The following SREBF2 variants were observed in gnomAD, a reference collection of about 807,000 sequenced individuals.
The protein encoded by SREBF2 is sterol regulatory element binding transcription factor 2.
A neutral mutation model predicts 113.1 loss-of-function variants in SREBF2; 55 were observed. The ratio of observed to expected loss-of-function variants is 0.49; its 90% CI spans 0.39 to 0.61. The LOEUF (loss-of-function observed/expected upper bound fraction) is 0.61. Among genes scored for constraint, SREBF2 ranks in the 20% least tolerant of loss-of-function variants. The probability of loss-of-function intolerance (pLI) is 0.00; values close to 1 mark genes in which losing one functional copy is unlikely to be tolerated. For missense variants in SREBF2, 1,349 were observed against 1,487.4 expected, an observed-to-expected ratio of 0.91 and a Z score of 1.53; for synonymous variants, 593 against 605.7, an observed-to-expected ratio of 0.98 and a Z score of 0.31.
intron 16 of SREBF2, among the ~76,000 whole-genome samples, chr22:41,901,953 A>G (rs1272044107): frequency 3.9e-5 from 6 of 152,240 alleles, no homozygotes; most frequent in Admixed American, 1.3e-4. Flanking sequence ...TGCTGCCTCC[A>G]TGCCCACAGG....
At chr22:41,880,305 A>G (rs1339631071) in intron 9 of SREBF2, among the ~76,000 whole-genome samples, 1 of 150,416 alleles carries the variant, frequency 6.6e-6, no homozygotes, top group Non-Finnish European at 1.5e-5. Context: ...TAATCCCAAC[A>G]CTTTGGAAGG....
At chr22:41,877,572 A>G (rs1051753672) in intron 8 of SREBF2, 151 bp downstream of exon 8, 2 of 958,292 alleles carry the variant, frequency 2.1e-6, no homozygotes, top group Non-Finnish European at 1.6e-6. Flanking sequence ...GGACTGGCAT[A>G]AGTTCCATTT....
intron 5 of SREBF2, 51 bp downstream of exon 5, chr22:41,874,070 TG>T: frequency 6.2e-7 from 1 of 1,600,136 alleles, no homozygotes; most frequent in African/African-American, 1.3e-5. Context: ...CCCCTCTACC[TG>T]TTTTTGCCTC....
chr22:41,846,061 G>A (rs1027997609), intron 1 of SREBF2, among the ~76,000 whole-genome samples: 4 of 152,216 alleles, frequency 2.6e-5, no homozygotes, highest in African/African-American at 7.2e-5. Context: ...TGGTGCTCGA[G>A]TGTCTGGGTT....
At chr22:41,843,576 G>A (rs2076848002) in intron 1 of SREBF2, among the ~76,000 whole-genome samples, 1 of 152,228 alleles carries the variant, frequency 6.6e-6, no homozygotes, top group African/African-American at 2.4e-5. Context: ...AATCCAACAT[G>A]TGCAACTTTA....
intron 11 of SREBF2, among the ~76,000 whole-genome samples, chr22:41,892,224 A>G (rs1298362148): frequency 6.6e-6 from 1 of 152,220 alleles, no homozygotes; most frequent in African/African-American, 2.4e-5. Flanking sequence ...CTCCAGTGCC[A>G]TCTGATGTGA....
chr22:41,905,593 G>C lies in SREBF2; in HGVS notation c.3359G>C (p.Arg1120Pro). 1 of 1,599,598 alleles carries C rather than the reference G, an allele frequency of 6.3e-7. No individual in the cohort carries two copies. The highest frequency in any genetic ancestry group is 8.5e-7 in the Non-Finnish European group (1 of 1,174,030). Reference sequence around the variant, plus strand: ...ACCCTGGAGAAGGTGGGCGACCGGCGCTCCTGCAACGACTGCCAGCAGATG... The same window carrying C: ...ACCCTGGAGAAGGTGGGCGACCGGCCCTCCTGCAACGACTGCCAGCAGATG... ...ARTLEKVGDRRSCNDCQQMIV... is the reference protein window; with the variant it reads ...ARTLEKVGDRPSCNDCQQMIV... Residue 1120 changes from arginine (R) to proline (P), a missense_variant, in exon 19 of 19, where the codon CGC becomes CCC. Coordinates refer to ENST00000361204, the MANE Select transcript of SREBF2 (RefSeq NM_004599.4).
chr22:41,894,901 CCAAGAAGAAGG>C lies in SREBF2; in HGVS notation c.2461_2471del (p.Lys821TrpfsTer9), dbSNP rs1350430266. ...ATAGAGTCCTTGGTGAAACCTCAGGCCAAGAAGAAGGCTGGAGACCAGGAAGAAGAGAGCTG... is the reference window on the plus strand; with the variant it reads ...ATAGAGTCCTTGGTGAAACCTCAGGCCTGGAGACCAGGAAGAAGAGAGCTG... On this transcript the variant is annotated frameshift_variant, in exon 13 of 19. Transcript: ENST00000361204. LOFTEE classifies it high-confidence loss of function. 1 of 1,613,922 alleles carries C rather than the reference CCAAGAAGAAGG, an allele frequency of 6.2e-7. No individual in the cohort carries two copies. The highest frequency in any genetic ancestry group is 8.5e-7 in the Non-Finnish European group (1 of 1,180,012).
chr22:41,873,787 C>G lies in SREBF2; in HGVS notation c.868-11C>G. Reference sequence around the variant, plus strand: ...AGGGATCATTCTGCTGTGTACCTGTCCCTATTCTAGACCCTGGTGGGCAGC... The same window carrying G: ...AGGGATCATTCTGCTGTGTACCTGTGCCTATTCTAGACCCTGGTGGGCAGC... On this transcript the variant is annotated splice_polypyrimidine_tract_variant and intron_variant, in intron 4 of 18. Coordinates refer to ENST00000361204, the MANE Select transcript of SREBF2 (RefSeq NM_004599.4). 6.3e-7 allele frequency: 1 copy of G among 1,593,850 alleles called. No homozygotes were observed.
chr22:41,871,166 A>G, intron 4 of SREBF2, 131 bp downstream of exon 4: 1 of 1,248,292 alleles, frequency 8.0e-7, no homozygotes, highest in Non-Finnish European at 1.1e-6. Context: ...GTCAAATTGT[A>G]AATGTCACCC....
Position 41,880,952 on chromosome 22 carries a change from G to T in SREBF2, c.1998G>T (p.Ala666=). 1 of 1,611,298 alleles carries T rather than the reference G, an allele frequency of 6.2e-7. No homozygotes were observed. The highest frequency in any genetic ancestry group is 8.5e-7 in the Non-Finnish European group (1 of 1,180,010). The change falls in exon 10 of 19, where the codon GCG becomes GCT. Residue 666 remains alanine (A), a synonymous_variant. Coordinates refer to ENST00000361204, the MANE Select transcript of SREBF2 (RefSeq NM_004599.4). ...EDEAKTSARD[A]ALAYHRLHQL... ...AAGCTAAGACCAGCGCCCGGGATGC[G>T]GCTCTGGCCTATCACCGGCTGCACC...
intron 13 of SREBF2, 122 bp downstream of exon 13, chr22:41,895,059 A>C (rs2077400218): frequency 4.0e-6 from 3 of 756,500 alleles, no homozygotes; most frequent in Non-Finnish European, 7.0e-6. Context: ...AGGGCAATCA[A>C]ATGGTTCCTT....
chr22:41,898,447 T>C (rs1251769213), intron 14 of SREBF2, among the ~76,000 whole-genome samples: 3 of 152,182 alleles, frequency 2.0e-5, no homozygotes, highest in African/African-American at 4.8e-5. Context: ...GCTCTTGATA[T>C]ATATTGCCAA....
chr22:41,837,556 TA>T (rs764852977), intron 1 of SREBF2, among the ~76,000 whole-genome samples: 6,925 of 75,396 alleles, frequency 0.092, 633 homozygotes, highest in African/African-American at 0.24. Flanking sequence ...AGACTCTGTC[TA>T]AAAAAAAAAA....
intron 10 of SREBF2, among the ~76,000 whole-genome samples, chr22:41,884,133 G>T (rs371731276): frequency 0.024 from 3,604 of 151,128 alleles, 134 homozygotes; most frequent in African/African-American, 0.083. Context: ...GTGAAGGCGG[G>T]TTTTTTTTTG....
At chr22:41,874,925 A>G (rs1214262903) in intron 5 of SREBF2, among the ~76,000 whole-genome samples, 1 of 152,188 alleles carries the variant, frequency 6.6e-6, no homozygotes, top group Admixed American at 6.5e-5. Context: ...AGAAAAAAAA[A>G]AAGATAACTG....
intron 1 of SREBF2, among the ~76,000 whole-genome samples, chr22:41,844,074 A>G (rs914975376): frequency 1.4e-5 from 2 of 146,218 alleles, no homozygotes; most frequent in African/African-American, 5.3e-5. Context: ...ACGTATATGT[A>G]TATATATTTT....
chr22:41,881,234 A>G (rs957260665), intron 10 of SREBF2, among the ~76,000 whole-genome samples: 2 of 152,250 alleles, frequency 1.3e-5, no homozygotes, highest in Non-Finnish European at 2.9e-5. Flanking sequence ...TGTGTCCTAT[A>G]AACAGTGGCA....
In SREBF2 at chr22:41,889,645, T is replaced by A. The variant is rs189359353; in HGVS notation, c.2209-3472T>A. On this transcript the variant is annotated intron_variant, in intron 11 of 18. Coordinates refer to ENST00000361204, the MANE Select transcript of SREBF2 (RefSeq NM_004599.4). ...GGCTGCAGTTAGCTATGGTCACACC[T>A]GTGAATAGAGCCACTCCACTCCAGC... Among the ~76,000 whole-genome samples, 4 of 150,996 alleles carry A rather than the reference T, an allele frequency of 2.6e-5. No individual in the cohort carries two copies. The East Asian group carries it at 7.8e-4, about 29-fold the overall frequency.
Sources: gnomAD v4.1 joint callset for allele counts (sites outside exome capture counted in the v4.1 genomes callset) on GRCh38, gnomAD v4.1.1 for gene constraint, MANE v1.5 for transcripts, NCBI Gene and HGNC (gene_info 2026-07-23, HGNC 2026-07-21) for gene names.